RBFOX1: variants seen among roughly 807,000 people sequenced by gnomAD.
The protein encoded by RBFOX1 is RNA binding protein fox-1 homolog 1.
In RBFOX1, 8 loss-of-function variants were observed where a neutral mutation model predicts 57.7. The observed-to-expected ratio is 0.14, with a 90% CI of 0.08 to 0.25. The LOEUF (loss-of-function observed/expected upper bound fraction) is 0.25, where lower values mean the gene tolerates loss of function less well. Ranked by LOEUF, RBFOX1 falls within the 10% of genes least tolerant of loss-of-function variation. The probability of loss-of-function intolerance (pLI) is 1.00; values close to 1 mark genes in which losing one functional copy is unlikely to be tolerated. For synonymous variants in RBFOX1, 326 were observed against 222.4 expected (o/e 1.47, Z -4.15); for missense variants, 611 against 548.5 (o/e 1.11, Z -1.14).
chr16:6,658,575 C>T (rs1216761808), intron 3 of RBFOX1, among the ~76,000 whole-genome samples: 1 of 152,172 alleles, frequency 6.6e-6, no homozygotes, highest in Non-Finnish European at 1.5e-5. Context: ...TGGGCTCGAT[C>T]TGAGACTCTT....
At chr16:7,083,575 C>T (rs1181943116) in intron 4 of RBFOX1, among the ~76,000 whole-genome samples, 1 of 152,120 alleles carries the variant, frequency 6.6e-6, no homozygotes, top group Admixed American at 6.5e-5. Context: ...TTTCTCAGAG[C>T]TTGTAAGAGA....
At chr16:5,373,035 T>C (rs547508650) in intron 1 of RBFOX1, among the ~76,000 whole-genome samples, 25 of 152,350 alleles carry the variant, frequency 1.6e-4, no homozygotes, top group African/African-American at 6.0e-4. Context: ...GAAATAGCTT[T>C]CACATCTTGA....
At chr16:6,684,191 G>A (rs1453265210) in intron 3 of RBFOX1, among the ~76,000 whole-genome samples, 7 of 152,184 alleles carry the variant, frequency 4.6e-5, no homozygotes, top group African/African-American at 1.7e-4. Context: ...AAGGATGTAC[G>A]CAAATGTTTA....
At chr16:6,443,696 C>T (rs889519959) in intron 2 of RBFOX1, among the ~76,000 whole-genome samples, 2 of 152,180 alleles carry the variant, frequency 1.3e-5, no homozygotes, top group Admixed American at 6.5e-5. Flanking sequence ...GAAAAATGCT[C>T]TTTCATTTAC....
intron 1 of RBFOX1, 133 bp from the exon 2 acceptor site, chr16:6,316,862 A>G: frequency 1.6e-6 from 1 of 610,692 alleles, no homozygotes; most frequent in South Asian, 2.3e-5. Context: ...CATCACCATC[A>G]TTGCTGTTAA....
chr16:6,234,099 A>G (rs2097486809), intron 1 of RBFOX1, among the ~76,000 whole-genome samples: 1 of 152,146 alleles, frequency 6.6e-6, no homozygotes, highest in Non-Finnish European at 1.5e-5. Context: ...AAGAGCATTC[A>G]TCCCACTCAT....
intron 4 of RBFOX1, among the ~76,000 whole-genome samples, chr16:5,906,727 C>CTTTTTTTTTTT (rs57589514): frequency 7.0e-5 from 5 of 71,484 alleles, no homozygotes; most frequent in African/African-American, 1.1e-4. Context: ...ATCCTAGATT[C>CTTTTTTTTTTT]TTTTTTTTTT....
At chr16:6,253,327 C>T (rs914487605) in intron 1 of RBFOX1, among the ~76,000 whole-genome samples, 1 of 152,166 alleles carries the variant, frequency 6.6e-6, no homozygotes, top group Non-Finnish European at 1.5e-5. Flanking sequence ...ACATCTGTCA[C>T]TGACGTTGCA....
intron 3 of RBFOX1, among the ~76,000 whole-genome samples, chr16:6,970,311 T>C (rs890412329): frequency 1.3e-5 from 2 of 152,318 alleles, no homozygotes; most frequent in Middle Eastern, 3.4e-3. Context: ...AGACTATTTC[T>C]GTCCTTTCAT....
At chr16:6,872,027 A>G (rs2061000299) in intron 3 of RBFOX1, among the ~76,000 whole-genome samples, 2 of 145,532 alleles carry the variant, frequency 1.4e-5, no homozygotes. Context: ...GTTCATTATG[A>G]TTGTGTGTAG....
chr16:5,647,273 T>G (rs62014270), intron 3 of RBFOX1, among the ~76,000 whole-genome samples: 1 of 152,184 alleles, frequency 6.6e-6, no homozygotes, highest in Admixed American at 6.5e-5. Flanking sequence ...CCATGGAGCT[T>G]GGAAGGGGCA....
chr16:7,199,982 C>G (rs958239393), intron 4 of RBFOX1, among the ~76,000 whole-genome samples: 3 of 152,186 alleles, frequency 2.0e-5, no homozygotes, highest in Admixed American at 1.3e-4. Flanking sequence ...CTTTTGTAAT[C>G]TCATTCTTGA....
In RBFOX1 at chr16:5,657,082, C is replaced by G. The variant is rs552945493; in HGVS notation, c.318+58121C>G. ...ACCTACATGTTCTGCACATGTATCC[C>G]AGAACTTAAAGTAAAATTTAGAAAA... On this transcript the variant is annotated intron_variant, in intron 3 of 19. Coordinates refer to the RBFOX1 transcript ENST00000641259. Among the ~76,000 whole-genome samples, 36 of 152,202 alleles carry G rather than the reference C, an allele frequency of 2.4e-4. 1 individual carries two copies. Among genetic ancestry groups the G allele is most frequent in the African/African-American group, 8.2e-4 (34 of 41,526 alleles).
chr16:6,843,397 A>G (rs930302505), intron 3 of RBFOX1, among the ~76,000 whole-genome samples: 14 of 152,140 alleles, frequency 9.2e-5, no homozygotes, highest in African/African-American at 2.9e-4. Flanking sequence ...TTTTCAGTTA[A>G]TAAAGCTTTG....
chr16:5,845,135 A>C (rs184524901), intron 3 of RBFOX1, among the ~76,000 whole-genome samples: 1 of 150,686 alleles, frequency 6.6e-6, no homozygotes, highest in African/African-American at 2.4e-5. Flanking sequence ...CAAATCCCTT[A>C]AGCTTTAATT....
intron 4 of RBFOX1, among the ~76,000 whole-genome samples, chr16:5,867,557 G>C (rs555022521): frequency 1.7e-4 from 26 of 152,218 alleles, no homozygotes; most frequent in African/African-American, 5.3e-4. Flanking sequence ...ATGGTGCAGG[G>C]TGACTTCAGC....
intron 3 of RBFOX1, among the ~76,000 whole-genome samples, chr16:5,663,166 C>T (rs1462242367): frequency 1.3e-5 from 2 of 152,170 alleles, no homozygotes; most frequent in Non-Finnish European, 2.9e-5. Context: ...GACCCGGTTC[C>T]AAATGCCAAG....
chr16:7,167,747 A>T (rs1194110831), intron 4 of RBFOX1, among the ~76,000 whole-genome samples: 1 of 152,230 alleles, frequency 6.6e-6, no homozygotes, highest in Non-Finnish European at 1.5e-5. Flanking sequence ...ACAGAAACAC[A>T]GCCTTATTCA....
intron 1 of RBFOX1, among the ~76,000 whole-genome samples, chr16:6,236,814 T>A (rs2097508430): frequency 6.6e-6 from 1 of 152,116 alleles, no homozygotes; most frequent in African/African-American, 2.4e-5. Flanking sequence ...TAAAAATGTA[T>A]CCGTAAGAGC....
Sources: gnomAD v4.1 joint callset for allele counts (sites outside exome capture counted in the v4.1 genomes callset) on GRCh38, gnomAD v4.1.1 for gene constraint, MANE v1.5 for transcripts, NCBI Gene and HGNC (gene_info 2026-07-23, HGNC 2026-07-21) for gene names.